SEPTIN3: variants seen among roughly 807,000 people sequenced by gnomAD.
SEPTIN3 encodes septin 3, also known as neuronal-specific septin-3.
SEPTIN3 carries 15 observed loss-of-function variants against 45.1 expected under a neutral mutation model. The ratio of observed to expected loss-of-function variants is 0.33; its 90% CI spans 0.22 to 0.51. The LOEUF is 0.51. Ranked by LOEUF, SEPTIN3 falls within the 20% of genes least tolerant of loss-of-function variation. The probability of loss-of-function intolerance (pLI) is 0.97; values close to 1 mark genes in which losing one functional copy is unlikely to be tolerated. For synonymous variants in SEPTIN3, 148 were observed against 164.8 expected (o/e 0.90, Z 0.78); for missense variants, 289 against 457.2 (o/e 0.63, Z 3.35).
intron 2 of SEPTIN3, 125 bp downstream of exon 2, chr22:41,973,121 T>A: frequency 2.5e-6 from 1 of 397,104 alleles, no homozygotes; most frequent in Non-Finnish European, 4.4e-6. Flanking sequence ...CAGGGTTGAA[T>A]GGGTTGGGAG....
intron 11 of SEPTIN3, chr22:41,995,022 C>G (rs1390562511): frequency 8.1e-7 from 1 of 1,242,042 alleles, no homozygotes; most frequent in Non-Finnish European, 1.0e-6. Flanking sequence ...CTCCTCCATG[C>G]CTGTCCATTA....
At chr22:41,979,351 G>A (rs1286457171) in intron 2 of SEPTIN3, among the ~76,000 whole-genome samples, 1 of 152,132 alleles carries the variant, frequency 6.6e-6, no homozygotes. Context: ...TAAATACAAG[G>A]CATACTTTCC....
chr22:41,980,735 C>T (rs761452716), intron 2 of SEPTIN3, among the ~76,000 whole-genome samples: 3 of 152,158 alleles, frequency 2.0e-5, no homozygotes, highest in Admixed American at 6.5e-5. Flanking sequence ...CCCAGGGGGA[C>T]GTTTGCCCTT....
chr22:41,984,644 G>T (rs5758531), intron 3 of SEPTIN3, among the ~76,000 whole-genome samples: 146,200 of 152,158 alleles, frequency 0.96, 70,293 homozygotes, highest in East Asian at 1. Flanking sequence ...CAAACGATCC[G>T]CAGCCTCCTG....
intron 7 of SEPTIN3, among the ~76,000 whole-genome samples, chr22:41,990,610 G>A (rs575079330): frequency 6.6e-6 from 1 of 151,424 alleles, no homozygotes; most frequent in Admixed American, 6.6e-5. Context: ...GCCGGGTGTG[G>A]TGGCGGGTGC....
intron 6 of SEPTIN3, among the ~76,000 whole-genome samples, chr22:41,989,271 C>T (rs1602419235): frequency 6.6e-6 from 1 of 152,112 alleles, no homozygotes; most frequent in East Asian, 1.9e-4. Flanking sequence ...TCCACAGATG[C>T]TCCCAGGAGA....
chr22:41,992,966 G>C (rs987623746), intron 9 of SEPTIN3, among the ~76,000 whole-genome samples: 1 of 152,174 alleles, frequency 6.6e-6, no homozygotes, highest in Non-Finnish European at 1.5e-5. Flanking sequence ...CACCTGACTG[G>C]GTGGCACTGA....
chr22:41,981,901 C>A (rs929007941), intron 3 of SEPTIN3, 65 bp downstream of exon 3: 1 of 1,416,828 alleles, frequency 7.1e-7, no homozygotes. Flanking sequence ...CCATTTCTTT[C>A]CCCCAAATGG....
Position 41,992,658 on chromosome 22 carries a change from G to A in SEPTIN3, c.2260-6G>A, listed in dbSNP as rs771346478. ...TGTGTCTGGTTTGTGTTTCTGCCCC[G>A]TGCAGCAGGAGAGCATGCCTTTTGC... On this transcript the variant is annotated splice_region_variant and splice_polypyrimidine_tract_variant and intron_variant, in intron 8 of 11. Coordinates refer to ENST00000644076, the MANE Select transcript of SEPTIN3 (RefSeq NM_001363845.2). 2.1e-5 allele frequency: 34 copies of A among 1,587,652 alleles called. No individual in the cohort carries two copies. Among genetic ancestry groups the A allele is most frequent in the South Asian group, 5.7e-5 (5 of 86,984 alleles).
At chr22:41,990,846 C>T (rs1323184070) in intron 7 of SEPTIN3, among the ~76,000 whole-genome samples, 4 of 151,358 alleles carry the variant, frequency 2.6e-5, no homozygotes, top group Non-Finnish European at 5.9e-5. Flanking sequence ...GGTGGATCAC[C>T]TAAGGTCAGG....
At chr22:41,996,872 C>A in intron 11 of SEPTIN3, 30 bp from the exon 12 acceptor site, 1 of 1,612,702 alleles carries the variant, frequency 6.2e-7, no homozygotes, top group Non-Finnish European at 8.5e-7. Flanking sequence ...CTGGTCTCCA[C>A]ACCCTCAACC....
chr22:41,991,480 C>A (rs565264141), intron 7 of SEPTIN3, 93 bp from the exon 8 acceptor site: 2 of 877,608 alleles, frequency 2.3e-6, no homozygotes, highest in Non-Finnish European at 3.9e-6. Context: ...CTGGATTTGG[C>A]TCTCTGACCT....
chr22:41,974,328 T>C (rs2077991923), intron 2 of SEPTIN3, among the ~76,000 whole-genome samples: 1 of 151,922 alleles, frequency 6.6e-6, no homozygotes. Flanking sequence ...CCCAGCACTC[T>C]GGGAGGCTAA....
At chr22:41,977,133 C>A in intron 2 of SEPTIN3, 1 of 1,548,046 alleles carries the variant, frequency 6.5e-7, no homozygotes, top group South Asian at 1.2e-5. Context: ...CCCCGGCCAG[C>A]GCGGCTGGAG....
chr22:41,985,081 T>A (rs1478389028), intron 3 of SEPTIN3, among the ~76,000 whole-genome samples: 1 of 149,988 alleles, frequency 6.7e-6, no homozygotes, highest in African/African-American at 2.5e-5. Context: ...GGACTCGATC[T>A]CCTCCTGACC....
chr22:41,990,519 G>A (rs1476596901), intron 7 of SEPTIN3, among the ~76,000 whole-genome samples: 1 of 150,158 alleles, frequency 6.7e-6, no homozygotes, highest in Non-Finnish European at 1.5e-5. Flanking sequence ...GCAGAGGCGG[G>A]TGAATCACGA....
At chr22:41,993,166 G>C (rs2078349442) in intron 9 of SEPTIN3, among the ~76,000 whole-genome samples, 1 of 152,200 alleles carries the variant, frequency 6.6e-6, no homozygotes, top group African/African-American at 2.4e-5. Context: ...AGTGGTCAAA[G>C]AATCACTTTA....
intron 2 of SEPTIN3, among the ~76,000 whole-genome samples, chr22:41,980,758 G>A (rs951348297): frequency 6.6e-6 from 1 of 152,166 alleles, no homozygotes; most frequent in Non-Finnish European, 1.5e-5. Flanking sequence ...TCACTAGGGA[G>A]GGGCTGGTTC....
intron 2 of SEPTIN3, chr22:41,977,185 C>CATCTGTCACCGCGCGT: frequency 9.2e-7 from 1 of 1,087,306 alleles, no homozygotes; most frequent in Non-Finnish European, 1.3e-6. Context: ...AGCCCACGCG[C>CATCTGTCACCGCGCGT]GGTGACAGAT....
Sources: gnomAD v4.1 joint callset for allele counts (sites outside exome capture counted in the v4.1 genomes callset) on GRCh38, gnomAD v4.1.1 for gene constraint, MANE v1.5 for transcripts, NCBI Gene and HGNC (gene_info 2026-07-23, HGNC 2026-07-21) for gene names.